The following PSIP1 variants were observed in gnomAD, a reference collection of about 807,000 sequenced individuals.
PSIP1 encodes the protein PC4 and SFRS1-interacting protein.
PSIP1 carries 19 observed loss-of-function variants against 74.7 expected under a neutral mutation model. The ratio of observed to expected loss-of-function variants is 0.25; its 90% CI spans 0.18 to 0.37. The LOEUF is 0.37. Ranked by LOEUF, PSIP1 falls within the 10% of genes least tolerant of loss-of-function variation. The pLI is 1.00. For synonymous variants in PSIP1, 222 were observed against 195.3 expected (o/e 1.14, Z -1.14); for missense variants, 601 against 614.3 (o/e 0.98, Z 0.23).
chr9:15,509,040 T>C (rs916855660), intron 2 of PSIP1, among the ~76,000 whole-genome samples: 7 of 152,238 alleles, frequency 4.6e-5, no homozygotes, highest in Non-Finnish European at 8.8e-5. Context: ...CAAGGAACAG[T>C]GATCGTTTTA....
At chr9:15,465,796 T>A (rs573857318) in intron 15 of PSIP1, 1 of 470,220 alleles carries the variant, frequency 2.1e-6, no homozygotes, top group Middle Eastern at 5.4e-4. Flanking sequence ...CAAAGTAATA[T>A]GCAGATGAAG....
rs57170853 is a variant in PSIP1, at chr9:15,494,565, C to CAA, written c.150-4443_150-4442dup. ...GGGCAACAAGAGCAAAACTGCATCT[C>CAA]AAAAAAAAAAAAAAAAAAAAAAAAA... On this transcript the variant is annotated intron_variant, in intron 3 of 15. Transcript: ENST00000380733. Among the ~76,000 whole-genome samples, 40 of 37,558 alleles carry CAA rather than the reference C, an allele frequency of 1.1e-3. 2 individuals carry two copies. The highest frequency in any genetic ancestry group is 1.1e-3 in the Non-Finnish European group (24 of 21,934). The allele number at this position is 37,558 out of a possible 152,430, so 24.6% of individuals were successfully genotyped here. A position where few individuals can be genotyped will look rare whatever the true frequency, so the allele number is the denominator to read the frequency against.
intron 2 of PSIP1, among the ~76,000 whole-genome samples, chr9:15,509,207 G>C (rs1004007194): frequency 6.6e-6 from 1 of 152,144 alleles, no homozygotes; most frequent in African/African-American, 2.4e-5. Context: ...AAATGGCTTG[G>C]AAAAATAAAA....
rs866932946 is a variant in PSIP1, at chr9:15,473,301, C to T, written c.859-551G>A. 9.7e-4 allele frequency among the ~76,000 whole-genome samples: 148 copies of T among 152,224 alleles called. 1 individual carries two copies. Among genetic ancestry groups the T allele is most frequent in the African/African-American group, 3.5e-3 (144 of 41,542 alleles). On this transcript the variant is annotated intron_variant, in intron 9 of 15. Coordinates refer to ENST00000380733, the MANE Select transcript of PSIP1 (RefSeq NM_033222.5). Reference sequence around the variant, plus strand: ...TAGGCCTGAAGGGTGTTAAGAACTTCTTGGGGGTAAATAACAAAAATCTCT... The same window carrying T: ...TAGGCCTGAAGGGTGTTAAGAACTTTTTGGGGGTAAATAACAAAAATCTCT...
chr9:15,509,754 TG>T, intron 2 of PSIP1, among the ~76,000 whole-genome samples: 1 of 152,370 alleles, frequency 6.6e-6, no homozygotes, highest in Non-Finnish European at 1.5e-5. Context: ...ATTGATATTT[TG>T]TACTTGATCC....
At chr9:15,487,155 G>A (rs944517942) in intron 4 of PSIP1, among the ~76,000 whole-genome samples, 3 of 150,692 alleles carry the variant, frequency 2.0e-5, no homozygotes, top group African/African-American at 7.3e-5. Context: ...AACCATGATT[G>A]CACCACTGTA....
intron 6 of PSIP1, among the ~76,000 whole-genome samples, chr9:15,483,548 A>G (rs553236356): frequency 1.3e-5 from 2 of 152,034 alleles, no homozygotes; most frequent in African/African-American, 4.8e-5. Context: ...AAACCCTCTT[A>G]TTTTAAATAT....
At chr9:15,485,668 G>A (rs2036529609) in intron 6 of PSIP1, among the ~76,000 whole-genome samples, 1 of 152,194 alleles carries the variant, frequency 6.6e-6, no homozygotes, top group East Asian at 1.9e-4. Flanking sequence ...TTAGGTATCA[G>A]GATTTAGCAT....
At chr9:15,476,429 G>C (rs931511662) in intron 8 of PSIP1, among the ~76,000 whole-genome samples, 6 of 152,170 alleles carry the variant, frequency 3.9e-5, no homozygotes, top group African/African-American at 1.2e-4. Context: ...TTTCAAAATA[G>C]AATACTGGTA....
intron 10 of PSIP1, chr9:15,471,365 T>G: frequency 6.4e-7 from 1 of 1,553,668 alleles, no homozygotes; most frequent in Non-Finnish European, 8.8e-7. Context: ...AACACAAATA[T>G]TAGAATTTGA....
chr9:15,470,045 T>C, intron 10 of PSIP1, 52 bp from the exon 11 acceptor site: 1 of 1,408,690 alleles, frequency 7.1e-7, no homozygotes, highest in Non-Finnish European at 1.0e-6. Context: ...TGTGACTAAA[T>C]GCCCACAATC....
At chr9:15,501,933 C>T (rs1200260761) in intron 3 of PSIP1, among the ~76,000 whole-genome samples, 4 of 151,142 alleles carry the variant, frequency 2.6e-5, no homozygotes, top group South Asian at 4.2e-4. Flanking sequence ...GACCAGTACC[C>T]GTCCGTGGCC....
At chr9:15,487,636 G>A (rs1303081736) in intron 4 of PSIP1, among the ~76,000 whole-genome samples, 1 of 152,082 alleles carries the variant, frequency 6.6e-6, no homozygotes, top group East Asian at 1.9e-4. Flanking sequence ...ATTACAAGAC[G>A]TTAAGTTTCA....
At chr9:15,491,387 A>T (rs768821576) in intron 3 of PSIP1, among the ~76,000 whole-genome samples, 3 of 152,202 alleles carry the variant, frequency 2.0e-5, no homozygotes, top group Non-Finnish European at 4.4e-5. Context: ...CTCAGCTAAG[A>T]ATGTGTTGTA....
chr9:15,493,702 G>A (rs1296848072), intron 3 of PSIP1, among the ~76,000 whole-genome samples: 2 of 152,204 alleles, frequency 1.3e-5, no homozygotes, highest in African/African-American at 4.8e-5. Flanking sequence ...CAGGGACCCA[G>A]GAGAGGGAAT....
intron 3 of PSIP1, among the ~76,000 whole-genome samples, chr9:15,497,443 T>C (rs1272939031): frequency 6.6e-6 from 1 of 151,242 alleles, no homozygotes; most frequent in Middle Eastern, 3.2e-3. Context: ...TCTCCTGCCT[T>C]AGCCTCCCAA....
rs771549197 is a variant in PSIP1, at chr9:15,468,953, T to A, written c.1206+4A>T. ...AAGAATCCACATGACTTGAAATCAC[T>A]TACTTTTTTCAGTGTAGTAATCATC... is the stretch of plus-strand genomic sequence containing the variant. On this transcript the variant is annotated splice_donor_region_variant and intron_variant, in intron 13 of 15. Coordinates refer to ENST00000380733, the MANE Select transcript of PSIP1 (RefSeq NM_033222.5). The A allele has an allele frequency of 1.9e-6, 3 of 1,612,598 alleles. No individual in the cohort carries two copies. The highest frequency in any genetic ancestry group is 2.2e-5 in the East Asian group (1 of 44,830).
Position 15,489,049 on chromosome 9 carries a change from C to A in PSIP1, c.288+937G>T, listed in dbSNP as rs552767998. Among the ~76,000 whole-genome samples the A allele has an allele frequency of 8.5e-5, 13 of 152,072 alleles. 1 individual carries two copies. Among genetic ancestry groups the A allele is most frequent in the Non-Finnish European group, 5.9e-5 (4 of 67,978 alleles). On this transcript the variant is annotated intron_variant, in intron 4 of 15. Coordinates refer to ENST00000380733, the MANE Select transcript of PSIP1 (RefSeq NM_033222.5). ...AAAATAAATTTTTTCTAAATCACAT[C>A]AATACCAACACAAAGGAGAAGTAAG...
At chr9:15,480,098 G>A (rs550490875) in intron 6 of PSIP1, among the ~76,000 whole-genome samples, 1 of 152,268 alleles carries the variant, frequency 6.6e-6, no homozygotes, top group African/African-American at 2.4e-5. Context: ...CGTAAGAAAG[G>A]ATTTACTACA....
Sources: gnomAD v4.1 joint callset for allele counts (sites outside exome capture counted in the v4.1 genomes callset) on GRCh38, gnomAD v4.1.1 for gene constraint, MANE v1.5 for transcripts, NCBI Gene and HGNC (gene_info 2026-07-23, HGNC 2026-07-21) for gene names.